Variants in GRM4 observed in about 807,000 individuals in gnomAD.
GRM4 encodes metabotropic glutamate receptor 4.
In GRM4, 28 loss-of-function variants were observed where a neutral mutation model predicts 81.7. The observed-to-expected ratio is 0.34, with a 90% CI of 0.25 to 0.47. The LOEUF is 0.47. Ranked by LOEUF, GRM4 falls within the 20% of genes least tolerant of loss-of-function variation. The probability of loss-of-function intolerance (pLI) is 1.00; values close to 1 mark genes in which losing one functional copy is unlikely to be tolerated. For missense variants in GRM4, 948 were observed against 1,290.0 expected, an observed-to-expected ratio of 0.73 and a Z score of 4.06; for synonymous variants, 488 against 528.8, an observed-to-expected ratio of 0.92 and a Z score of 1.06.
rs370746612 is a variant in GRM4, at chr6:34,048,691, T to C, written c.1168+7853A>G. The stretch of plus-strand genomic sequence containing the variant: ...AGGGAAGGGACTTGGTGGGAGGTGA[T>C]TGGATCATGGGGGTGGATTTCCCCC... On this transcript the variant is annotated intron_variant, in intron 6 of 10. Transcript: ENST00000538487. This position sits in a 1 kb window ranked among gnomAD's most constrained non-coding sequence, Gnocchi z 4.0. Among the ~76,000 whole-genome samples, 455 of 152,150 alleles carry C rather than the reference T, an allele frequency of 3.0e-3. No individual in the cohort carries two copies. Among genetic ancestry groups the C allele is most frequent in the African/African-American group, 0.01 (425 of 41,502 alleles).
chr6:34,113,097 C>T (rs527241262), intron 2 of GRM4, among the ~76,000 whole-genome samples: 2 of 151,950 alleles, frequency 1.3e-5, no homozygotes, highest in African/African-American at 4.8e-5. Context: ...TCCTCCCTTC[C>T]CTTTCTTCTT....
chr6:34,094,976 T>C (rs2127488826), intron 2 of GRM4, among the ~76,000 whole-genome samples: 1 of 152,342 alleles, frequency 6.6e-6, no homozygotes, highest in South Asian at 2.1e-4. Context: ...GGGCATCCCC[T>C]GTGGGGCCAG....
At position 34,152,112 on chromosome 6, in the gene GRM4, G is replaced by A. The variant is rs148366338; in HGVS notation, c.312+2967C>T. ...ATCGGCAGTTGAGAATACCAGGTGGGCCCCTCTGTCAATGTCCCCCTACCA... is the reference window on the plus strand; with the variant it reads ...ATCGGCAGTTGAGAATACCAGGTGGACCCCTCTGTCAATGTCCCCCTACCA... On this transcript the variant is annotated intron_variant, in intron 1 of 8. Transcript: ENST00000374177. The surrounding 1 kb of genome is among the most constrained non-coding windows in gnomAD (Gnocchi z 4.1). Among the ~76,000 whole-genome samples, 1,649 of 152,206 alleles carry A rather than the reference G, an allele frequency of 0.011. 16 individuals carry two copies. The highest frequency in any genetic ancestry group is 0.058 in the Middle Eastern group (17 of 294).
At position 34,110,517 on chromosome 6, in the gene GRM4, A is replaced by T. The variant is rs1292370358; in HGVS notation, c.520-18418T>A. 25 of 509,008 alleles carry T rather than the reference A, an allele frequency of 4.9e-5. No individual in the cohort carries two copies. The Middle Eastern group carries it at 1.1e-3, about 23-fold the overall frequency. 31.5% of individuals were successfully genotyped at this position (509,008 alleles called of 1,614,324 possible). A position where few individuals can be genotyped will look rare whatever the true frequency, so the allele number is the denominator to read the frequency against. ...TTTGCATGTGCAGTGCCCTCTGCCA[A>T]CTGGGCTTTTCCGCAGAATATCCTC... On this transcript the variant is annotated intron_variant, in intron 2 of 10. Transcript: ENST00000538487.
chr6:34,060,366 C>T (rs555410345), intron 4 of GRM4: 1 of 152,370 alleles, frequency 6.6e-6, no homozygotes, highest in South Asian at 2.1e-4. Context: ...TCATCCAGCC[C>T]TGCAGAGTCA....
At chr6:34,110,784 T>C in intron 2 of GRM4, 2 of 1,423,626 alleles carry the variant, frequency 1.4e-6, no homozygotes, top group South Asian at 1.5e-5. Flanking sequence ...GTGGTGCCCC[T>C]CCCTGGCCCA....
chr6:34,036,362 C>T lies in GRM4; in HGVS notation c.1748G>A (p.Trp583Ter). The T allele has an allele frequency of 6.2e-7, 1 of 1,613,150 alleles. No homozygotes were observed. The highest frequency in any genetic ancestry group is 8.5e-7 in the Non-Finnish European group (1 of 1,179,420). Residue 583 changes from tryptophan (W) to a stop codon, truncating the protein, a stop_gained, in exon 9 of 11, where the codon TGG (tryptophan) becomes TAG (stop). Transcript: ENST00000538487. LOFTEE classifies it high-confidence loss of function. This position sits in a 1 kb window ranked among gnomAD's most constrained non-coding sequence, Gnocchi z 9.0. ...GGGCAGCACGGCCCAGGGCGAGCCC[C>T]ACTCAAGCTTGATGATGGGGATGGG... is the stretch of plus-strand genomic sequence containing the variant. ...CRPIPIIKLE[W>*]GSPWAVLPLF... is the part of the protein sequence containing the mutation.
intron 2 of GRM4, among the ~76,000 whole-genome samples, chr6:34,118,691 C>T (rs1174817799): frequency 6.6e-6 from 1 of 152,304 alleles, no homozygotes. Context: ...GCCCAGAAGC[C>T]GCCTACAGCA....
exon 1 of GRM4, chr6:34,155,399 T>G: frequency 6.8e-7 from 1 of 1,479,136 alleles, no homozygotes; most frequent in Non-Finnish European, 9.0e-7. Flanking sequence ...ATCCTCCCAC[T>G]CTCAGCATCT....
chr6:34,103,866 G>A lies in GRM4; in HGVS notation c.520-11767C>T, dbSNP rs1408727023. The A allele has an allele frequency of 2.1e-6, 3 of 1,411,290 alleles. No homozygotes were observed. The African/African-American group carries it at 4.4e-5, about 21-fold the overall frequency. 87.4% of individuals were successfully genotyped at this position (1,411,290 alleles called of 1,614,324 possible). ...GTGTCAGGCACTGCGAGGGTCCCGA[G>A]GGAGAATGAGTGTTACAGAAGCCTG... On this transcript the variant is annotated intron_variant, in intron 2 of 10. Coordinates refer to ENST00000538487, the MANE Select transcript of GRM4 (RefSeq NM_000841.4).
Position 34,070,792 on chromosome 6 carries a change from C to CCACACACACACA in GRM4, c.737-8776_737-8765dup, listed in dbSNP as rs34256571. Among the ~76,000 whole-genome samples the CCACACACACACA allele has an allele frequency of 1.5e-5, 2 of 135,400 alleles. No homozygotes were observed. The highest frequency in any genetic ancestry group is 2.8e-5 in the African/African-American group (1 of 35,480). The allele number at this position is 135,400 out of a possible 152,430, so 88.8% of individuals were successfully genotyped here. On this transcript the variant is annotated intron_variant, in intron 3 of 10. Coordinates refer to ENST00000538487, the MANE Select transcript of GRM4 (RefSeq NM_000841.4). This position sits in a 1 kb window ranked among gnomAD's most constrained non-coding sequence, Gnocchi z 4.6. ...CACCACACCCCCGCCACACCCCCAG[C>CCACACACACACA]CACACACACACACACACACACACAC... is the stretch of plus-strand genomic sequence containing the variant.
intron 9 of GRM4, among the ~76,000 whole-genome samples, chr6:34,030,604 G>A (rs914541990): frequency 2.6e-5 from 4 of 152,198 alleles, no homozygotes; most frequent in African/African-American, 7.2e-5. Flanking sequence ...CAGGGCCAGC[G>A]CTATGAGTGT....
chr6:34,145,768 C>T (rs1770904832), intron 1 of GRM4, among the ~76,000 whole-genome samples: 1 of 152,194 alleles, frequency 6.6e-6, no homozygotes, highest in Admixed American at 6.5e-5. Context: ...CAAGTTTGCG[C>T]TGAAAGTGCG....
intron 2 of GRM4, among the ~76,000 whole-genome samples, chr6:34,132,168 C>T (rs181185681): frequency 7.9e-5 from 12 of 152,148 alleles, no homozygotes; most frequent in Admixed American, 3.3e-4. Flanking sequence ...GGAAAGGAGG[C>T]GGCAAGGAGG....
In GRM4 at chr6:34,061,907, G is replaced by A. The variant is rs774391990; in HGVS notation, c.858C>T (p.Asn286=). ...CCTGCCCTCACCTGATGTCATCCTCGTTGGCAAAGATGATGACTGCCCTGG... is the reference window on the plus strand; with the variant it reads ...CCTGCCCTCACCTGATGTCATCCTCATTGGCAAAGATGATGACTGCCCTGG... The part of the protein sequence containing the change: ...SNARAVIIFA[N]EDDIRRVLEA... The change falls in exon 4 of 11, where the codon AAC becomes AAT. Residue 286 remains asparagine, a synonymous_variant. Coordinates refer to ENST00000538487, the MANE Select transcript of GRM4 (RefSeq NM_000841.4). 37 of 1,612,898 alleles carry A rather than the reference G, an allele frequency of 2.3e-5. No homozygotes were observed. The highest frequency in any genetic ancestry group is 1.0e-4 in the Admixed American group (6 of 59,976).
intron 9 of GRM4, among the ~76,000 whole-genome samples, chr6:34,030,163 G>A (rs1344309688): frequency 3.3e-5 from 5 of 152,230 alleles, no homozygotes; most frequent in East Asian, 1.9e-4. Flanking sequence ...CAAAACAGAC[G>A]CTTGGGGAAT....
Position 34,036,021 on chromosome 6 carries a change from C to A in GRM4, c.2089G>T (p.Ala697Ser), listed in dbSNP as rs374098086. Reference sequence around the variant, plus strand: ...CTGAAGGTGATGGCCAGCTGTGAGGCGGGGCTGATGAAGCGTGGGGCACTG... The same window carrying A: ...CTGAAGGTGATGGCCAGCTGTGAGGAGGGGCTGATGAAGCGTGGGGCACTG... ...SVSAPRFISP[A>S]SQLAITFSLI... Residue 697 changes from alanine to serine, a missense_variant, in exon 9 of 11, where the codon GCC (alanine) becomes TCC (serine). By Grantham distance (99) the Ala-to-Ser change is moderately conservative (BLOSUM62 1). Coordinates refer to ENST00000538487, the MANE Select transcript of GRM4 (RefSeq NM_000841.4). This position sits in a 1 kb window ranked among gnomAD's most constrained non-coding sequence, Gnocchi z 9.0. 1.9e-6 allele frequency: 3 copies of A among 1,613,990 alleles called. No individual in the cohort carries two copies. The highest frequency in any genetic ancestry group is 2.5e-6 in the Non-Finnish European group (3 of 1,179,946).
In GRM4 at chr6:34,064,040, G is replaced by A. The variant is rs1766313513; in HGVS notation, c.737-2012C>T. Among the ~76,000 whole-genome samples the A allele has an allele frequency of 6.6e-6, 1 of 152,176 alleles. No homozygotes were observed. Among genetic ancestry groups the A allele is most frequent in the South Asian group, 2.1e-4 (1 of 4,832 alleles). On this transcript the variant is annotated intron_variant, in intron 3 of 10. Transcript: ENST00000538487. The surrounding 1 kb of genome is among the most constrained non-coding windows in gnomAD (Gnocchi z 4.4). ...GTGATGGTCTTGCCTGGCACCTCAGGGCATATCTTGCAAGCTTCGTTTTGC... is the reference window on the plus strand; with the variant it reads ...GTGATGGTCTTGCCTGGCACCTCAGAGCATATCTTGCAAGCTTCGTTTTGC...
At position 34,035,181 on chromosome 6, in the gene GRM4, A is replaced by G. The variant is rs1025240638; in HGVS notation, c.2442+487T>C. On this transcript the variant is annotated intron_variant, in intron 9 of 10. Transcript: ENST00000538487. The surrounding 1 kb of genome is among the most constrained non-coding windows in gnomAD (Gnocchi z 6.6). ...GTAAGAGAAAGGAGTCTAGAAAAGA[A>G]TGAAGAGTGAAGGAGGGTACAGCGC... 6.6e-6 allele frequency among the ~76,000 whole-genome samples: 1 copy of G among 151,884 alleles called. No homozygotes were observed. The highest frequency in any genetic ancestry group is 1.5e-5 in the Non-Finnish European group (1 of 67,972).
Sources: gnomAD v4.1 joint callset for allele counts (sites outside exome capture counted in the v4.1 genomes callset) on GRCh38, gnomAD v4.1.1 for gene constraint, Gnocchi (gnomAD v3.1) non-coding constraint, MANE v1.5 for transcripts, NCBI Gene and HGNC (gene_info 2026-07-23, HGNC 2026-07-21) for gene names.